Variants in BSN observed in about 807,000 individuals in gnomAD.
BSN encodes protein bassoon.
In BSN, 57 loss-of-function variants were observed where a neutral mutation model predicts 264.8. The observed-to-expected ratio is 0.22, with a 90% CI of 0.17 to 0.27. The LOEUF (loss-of-function observed/expected upper bound fraction) is 0.27, where lower values mean the gene tolerates loss of function less well. BSN is among the 10% of genes least tolerant of loss of function. The pLI is 1.00. For synonymous variants in BSN, 2,059 were observed against 2,137.3 expected (o/e 0.96, Z 1.01); for missense variants, 4,615 against 5,232.5 (o/e 0.88, Z 3.64).
chr3:49,662,766 C>G (rs541736129), intron 6 of BSN, 110 bp from the exon 7 acceptor site: 3 of 1,431,826 alleles, frequency 2.1e-6, no homozygotes, highest in Non-Finnish European at 2.8e-6. Flanking sequence ...GCCTGCTGAT[C>G]TGCTTGTGGC....
In BSN at chr3:49,605,332, A is replaced by AAT. The variant is rs1245883646; in HGVS notation, c.225-19635_225-19634dup. 2.2e-3 allele frequency among the ~76,000 whole-genome samples: 199 copies of AAT among 90,894 alleles called. 2 individuals carry two copies. The highest frequency in any genetic ancestry group is 8.5e-3 in the African/African-American group (197 of 23,118). The allele number at this position is 90,894 out of a possible 152,430, so 59.6% of individuals were successfully genotyped here. A position where few individuals can be genotyped will look rare whatever the true frequency, so the allele number is the denominator to read the frequency against. On this transcript the variant is annotated intron_variant, in intron 1 of 11. Coordinates refer to ENST00000296452, the MANE Select transcript of BSN (RefSeq NM_003458.4). ...ATTATATTATATATATATATTTATA[A>AAT]ATATATATAATATATAAATATATAT... is the stretch of plus-strand genomic sequence containing the variant.
chr3:49,621,304 G>GT (rs2052303762), intron 1 of BSN, among the ~76,000 whole-genome samples: 1 of 152,158 alleles, frequency 6.6e-6, no homozygotes, highest in Admixed American at 6.5e-5. Context: ...GACTGGGTAA[G>GT]TCTTGAGACT....
In BSN at chr3:49,651,684, A is replaced by G. The variant is rs1490665127; in HGVS notation, c.2128A>G (p.Ser710Gly). ...GCAGCAGGAGGTGGAACAGCTGGAC[A>G]GTGCAGGGGTGACAGGGCCACATCC... ...VVQQEVEQLD[S>G]AGVTGPHPPS... Residue 710 changes from serine to glycine, a missense_variant, in exon 5 of 12, where the codon AGT (serine) becomes GGT (glycine). This residue lies in a region of BSN where 1,197 missense variants were observed against 1,348.0 expected (regional missense o/e 0.89). Transcript: ENST00000296452. The surrounding 1 kb of genome is among the most constrained non-coding windows in gnomAD (Gnocchi z 5.4). The G allele has an allele frequency of 6.2e-7, 1 of 1,614,080 alleles. No homozygotes were observed. Among genetic ancestry groups the G allele is most frequent in the Non-Finnish European group, 8.5e-7 (1 of 1,180,000 alleles).
At chr3:49,640,306 GC>G (rs2052454582) in intron 2 of BSN, among the ~76,000 whole-genome samples, 1 of 152,194 alleles carries the variant, frequency 6.6e-6, no homozygotes, top group African/African-American at 2.4e-5. Context: ...TCTGGGATGA[GC>G]CCTGCTCTGT....
chr3:49,610,192 A>G (rs745306914), intron 1 of BSN, among the ~76,000 whole-genome samples: 1 of 152,162 alleles, frequency 6.6e-6, no homozygotes, highest in Non-Finnish European at 1.5e-5. Flanking sequence ...CCAAACACAC[A>G]CATGCACGTT....
intron 1 of BSN, among the ~76,000 whole-genome samples, chr3:49,581,514 T>C (rs1218218118): frequency 6.6e-6 from 1 of 152,212 alleles, no homozygotes; most frequent in East Asian, 1.9e-4. Flanking sequence ...TTAAACTTCA[T>C]CATAGGTTTG....
intron 2 of BSN, among the ~76,000 whole-genome samples, chr3:49,628,283 T>G (rs2052358304): frequency 6.6e-6 from 1 of 152,116 alleles, no homozygotes; most frequent in Admixed American, 6.5e-5. Context: ...AATGGCTGCA[T>G]GAGGACAAAT....
In BSN at chr3:49,605,485, T is replaced by C. The variant is rs1433372285; in HGVS notation, c.225-19490T>C. On this transcript the variant is annotated intron_variant, in intron 1 of 11. Coordinates refer to ENST00000296452, the MANE Select transcript of BSN (RefSeq NM_003458.4). ...ATTATATATAATATATATTATATAA[T>C]ATATATTATATATAATATATATTAT... is the stretch of plus-strand genomic sequence containing the variant. 2.3e-3 allele frequency among the ~76,000 whole-genome samples: 16 copies of C among 7,108 alleles called. 1 individual carries two copies. The highest frequency in any genetic ancestry group is 9.5e-3 in the African/African-American group (16 of 1,688). The allele number at this position is 7,108 out of a possible 152,430, so 4.7% of individuals were successfully genotyped here. A position where few individuals can be genotyped will look rare whatever the true frequency, so the allele number is the denominator to read the frequency against.
chr3:49,664,600 A>G, intron 9 of BSN, 46 bp downstream of exon 9: 1 of 1,559,478 alleles, frequency 6.4e-7, no homozygotes, highest in South Asian at 1.2e-5. Context: ...CTACTCTGGT[A>G]CAGGCTGGGT....
In BSN at chr3:49,663,815, A is replaced by C; in HGVS notation, c.11537A>C (p.Lys3846Thr). The change falls in exon 8 of 12, where the codon AAA becomes ACA. Residue 3846 changes from lysine to threonine, a missense_variant. Lys to Thr is a moderately conservative substitution (Grantham distance 78). Transcript: ENST00000296452. ...PPRAEQTNGS[K>T]GTAKAPQQGR... Reference sequence around the variant, plus strand: ...CGGGCAGAACAGACAAATGGCTCTAAAGGGACAGCCAAAGCACCGCAACAG... The same window carrying C: ...CGGGCAGAACAGACAAATGGCTCTACAGGGACAGCCAAAGCACCGCAACAG... 6.2e-7 allele frequency: 1 copy of C among 1,614,132 alleles called. No homozygotes were observed. Among genetic ancestry groups the C allele is most frequent in the Non-Finnish European group, 8.5e-7 (1 of 1,180,018 alleles).
chr3:49,622,740 A>C (rs185433208), intron 1 of BSN, among the ~76,000 whole-genome samples: 2 of 152,320 alleles, frequency 1.3e-5, no homozygotes, highest in Admixed American at 1.3e-4. Flanking sequence ...CAAGTGGGAA[A>C]TATTTCTTTA....
rs750173097 is a variant in BSN, at chr3:49,652,696, G to T, written c.3140G>T (p.Arg1047Leu). 1 of 1,575,426 alleles carries T rather than the reference G, an allele frequency of 6.3e-7. No homozygotes were observed. Residue 1047 changes from arginine (R) to leucine (L), a missense_variant, in exon 5 of 12, where the codon CGG (arginine) becomes CTG (leucine). Physicochemically the swap from Arg to Leu is moderately radical, Grantham distance 102. This residue lies in a region of BSN where 3,415 missense variants were observed against 3,866.4 expected (regional missense o/e 0.88). Transcript: ENST00000296452. ...IEDSSEEEEL[R>L]EEEELLREQE... ...GACTCCTCAGAGGAGGAGGAGCTGCGGGAGGAAGAGGAGCTGCTTCGTGAG... is the reference window on the plus strand; with the variant it reads ...GACTCCTCAGAGGAGGAGGAGCTGCTGGAGGAAGAGGAGCTGCTTCGTGAG...
At position 49,643,053 on chromosome 3, in the gene BSN, C is replaced by T. The variant is rs1415576992; in HGVS notation, c.1419C>T (p.Asn473=). The change falls in exon 3 of 12, where the codon AAC becomes AAT. Residue 473 remains asparagine, a synonymous_variant. Transcript: ENST00000296452. ...AICPLCQAEL[N]VGSKSPANYN... ...GCCCACTGTGCCAAGCCGAGCTCAA[C>T]GTGGGCAGCAAGAGCCCAGCCAACT... 8.1e-6 allele frequency: 13 copies of T among 1,613,952 alleles called. No individual in the cohort carries two copies. In the East Asian group the frequency reaches 8.9e-5, roughly 11 times the overall value.
chr3:49,620,441 TAAAGAAAAAAA>T (rs1193981776), intron 1 of BSN, among the ~76,000 whole-genome samples: 31 of 110,640 alleles, frequency 2.8e-4, no homozygotes, highest in African/African-American at 7.1e-4. Flanking sequence ...AAAACAAAAC[TAAAGAAAAAAA>T]AAAGAAAAAA....
intron 1 of BSN, among the ~76,000 whole-genome samples, chr3:49,558,230 CAT>C (rs1323446270): frequency 6.6e-6 from 1 of 152,128 alleles, no homozygotes; most frequent in Non-Finnish European, 1.5e-5. Context: ...AGATAAATGG[CAT>C]AAAGAATGTG....
intron 1 of BSN, among the ~76,000 whole-genome samples, chr3:49,578,574 A>G (rs2051865956): frequency 6.8e-6 from 1 of 147,656 alleles, no homozygotes; most frequent in Non-Finnish European, 1.5e-5. Context: ...TGCCCGGCCA[A>G]TTTTTTGTAT....
At position 49,625,165 on chromosome 3, in the gene BSN, G is replaced by C; in HGVS notation, c.415G>C (p.Gly139Arg). The change falls in exon 2 of 12, where the codon GGG becomes CGG. Residue 139 changes from glycine (G) to arginine (R), a missense_variant. Gly to Arg is a moderately radical substitution (Grantham distance 125). Around this residue, in one of 3 missense-constraint regions of BSN, gnomAD observed 1,197 missense variants for 1,348.0 expected, o/e 0.89. Coordinates refer to ENST00000296452, the MANE Select transcript of BSN (RefSeq NM_003458.4). This position sits in a 1 kb window ranked among gnomAD's most constrained non-coding sequence, Gnocchi z 4.4. ...LQVDSRTQRS[G>R]RSPSVSPDRG... ...GGTAGACAGCAGGACACAGAGATCA[G>C]GGCGGTCCCCCTCAGTGTCACCGGA... 6.3e-7 allele frequency: 1 copy of C among 1,575,252 alleles called. No individual in the cohort carries two copies. Among genetic ancestry groups the C allele is most frequent in the Non-Finnish European group, 8.6e-7 (1 of 1,158,820 alleles).
intron 1 of BSN, among the ~76,000 whole-genome samples, chr3:49,623,309 T>C (rs2052318854): frequency 6.6e-6 from 1 of 152,190 alleles, no homozygotes; most frequent in East Asian, 1.9e-4. Context: ...GTTTCCTGAG[T>C]GCCAGCATTC....
At chr3:49,659,877 C>T (rs2052639025) in intron 5 of BSN, among the ~76,000 whole-genome samples, 1 of 152,136 alleles carries the variant, frequency 6.6e-6, no homozygotes, top group Non-Finnish European at 1.5e-5. Flanking sequence ...GAGGGCAGTG[C>T]AGGGCACTAG....
Sources: allele counts gnomAD v4.1 joint callset (sites outside exome capture counted in the v4.1 genomes callset), GRCh38; gene constraint gnomAD v4.1.1; regional missense constraint gnomAD v4.1.1; non-coding constraint Gnocchi (gnomAD v3.1); transcripts MANE v1.5; gene names NCBI Gene and HGNC (gene_info 2026-07-23, HGNC 2026-07-21).